Variants in LAMA2 observed in about 807,000 individuals in gnomAD.
LAMA2 encodes laminin subunit alpha 2, also known as laminin subunit alpha-2.
In LAMA2, 269 loss-of-function variants were observed where a neutral mutation model predicts 364.8. That is an observed-to-expected ratio of 0.74 (90% CI 0.67 to 0.82). The LOEUF (loss-of-function observed/expected upper bound fraction) is 0.82, where lower values mean the gene tolerates loss of function less well. Ranked by LOEUF, LAMA2 falls within the 40% of genes least tolerant of loss-of-function variation. LAMA2 has a pLI of 0.00. For synonymous variants in LAMA2, 1,379 were observed against 1,370.6 expected (o/e 1.01, Z -0.14); for missense variants, 3,807 against 3,873.2 (o/e 0.98, Z 0.45).
chr6:129,388,359 T>G (rs934613482), intron 35 of LAMA2, among the ~76,000 whole-genome samples: 2 of 152,218 alleles, frequency 1.3e-5, no homozygotes, highest in Non-Finnish European at 1.5e-5. Context: ...AAGCTTGCTT[T>G]CTTAATACAT....
At chr6:129,094,532 G>T (rs1412224980) in intron 3 of LAMA2, among the ~76,000 whole-genome samples, 1 of 152,170 alleles carries the variant, frequency 6.6e-6, no homozygotes, top group Non-Finnish European at 1.5e-5. Context: ...AATCCACATT[G>T]TAGCTGCATG....
intron 1 of LAMA2, among the ~76,000 whole-genome samples, chr6:128,996,825 A>G (rs1783973033): frequency 6.6e-6 from 1 of 152,224 alleles, no homozygotes; most frequent in African/African-American, 2.4e-5. Flanking sequence ...ACACATGCAC[A>G]CGTATGTTTA....
intron 41 of LAMA2, among the ~76,000 whole-genome samples, chr6:129,431,165 G>A (rs769372353): frequency 1.1e-4 from 16 of 152,158 alleles, no homozygotes; most frequent in African/African-American, 3.4e-4. Context: ...TCGGGAGACC[G>A]AGGTGGGCAG....
intron 29 of LAMA2, among the ~76,000 whole-genome samples, chr6:129,335,744 A>T (rs1402018245): frequency 3.3e-5 from 5 of 152,176 alleles, no homozygotes; most frequent in Non-Finnish European, 7.3e-5. Flanking sequence ...GATTGTTAGC[A>T]TTATACTAAG....
At chr6:129,199,308 T>C (rs1782036324) in intron 12 of LAMA2, among the ~76,000 whole-genome samples, 1 of 152,198 alleles carries the variant, frequency 6.6e-6, no homozygotes, top group South Asian at 2.1e-4. Flanking sequence ...ACATTCTTCA[T>C]GTCTGAAAAA....
chr6:129,041,928 G>T (rs529421231), intron 1 of LAMA2, among the ~76,000 whole-genome samples: 3 of 151,150 alleles, frequency 2.0e-5, no homozygotes, highest in East Asian at 1.9e-4. Flanking sequence ...GAGCCCAGGA[G>T]TTCAAGGTTA....
intron 9 of LAMA2, among the ~76,000 whole-genome samples, chr6:129,172,748 A>G (rs1015069894): frequency 6.6e-6 from 1 of 151,992 alleles, no homozygotes; most frequent in Non-Finnish European, 1.5e-5. Context: ...AAGCCTGGGC[A>G]ATGGCGGCGC....
At chr6:129,383,667 G>A (rs1778822262) in intron 35 of LAMA2, among the ~76,000 whole-genome samples, 1 of 152,150 alleles carries the variant, frequency 6.6e-6, no homozygotes, top group Non-Finnish European at 1.5e-5. Context: ...ATGAACATCT[G>A]TTGCTTGGGA....
intron 40 of LAMA2, among the ~76,000 whole-genome samples, chr6:129,404,323 A>G (rs1360249338): frequency 6.6e-6 from 1 of 152,160 alleles, no homozygotes; most frequent in Non-Finnish European, 1.5e-5. Flanking sequence ...ATAATCACAC[A>G]CAAATTGGTT....
intron 49 of LAMA2, among the ~76,000 whole-genome samples, chr6:129,460,907 G>C (rs1280122870): frequency 1.3e-5 from 2 of 151,874 alleles, no homozygotes; most frequent in Non-Finnish European, 1.5e-5. Flanking sequence ...GATAGTCCAG[G>C]AGGAAAGTTC....
At position 129,190,162 on chromosome 6, in the gene LAMA2, G is replaced by A. The variant is rs367886953; in HGVS notation, c.1468-43G>A. The A allele has an allele frequency of 3.1e-6, 5 of 1,605,426 alleles. No individual in the cohort carries two copies. The South Asian group carries it at 4.4e-5, about 14-fold the overall frequency. On this transcript the variant is annotated intron_variant, in intron 10 of 64. Transcript: ENST00000421865. ...TACAGACATGGACGCAGCTCATAAT[G>A]TTGAAGGATACCTCTGTTGCTGATA... is the stretch of plus-strand genomic sequence containing the variant.
intron 12 of LAMA2, among the ~76,000 whole-genome samples, chr6:129,196,622 A>G (rs1033639542): frequency 3.9e-5 from 6 of 152,190 alleles, no homozygotes; most frequent in African/African-American, 1.4e-4. Context: ...AAAATTATTC[A>G]GAAGTGGAGT....
intron 1 of LAMA2, among the ~76,000 whole-genome samples, chr6:129,017,894 A>C (rs1322293374): frequency 6.6e-6 from 1 of 152,104 alleles, no homozygotes; most frequent in Non-Finnish European, 1.5e-5. Flanking sequence ...AGGGTAAATA[A>C]TAACAAATGA....
intron 1 of LAMA2, among the ~76,000 whole-genome samples, chr6:128,945,354 G>T (rs1780426988): frequency 6.6e-6 from 1 of 152,174 alleles, no homozygotes; most frequent in African/African-American, 2.4e-5. Context: ...AATCAGTGTA[G>T]TTGCCATCGG....
intron 1 of LAMA2, among the ~76,000 whole-genome samples, chr6:128,938,765 C>T (rs1779986932): frequency 6.6e-6 from 1 of 152,104 alleles, no homozygotes; most frequent in Non-Finnish European, 1.5e-5. Context: ...GGAGTACCAA[C>T]ATTTAAGAGT....
At chr6:128,898,610 C>T (rs1184934705) in intron 1 of LAMA2, among the ~76,000 whole-genome samples, 1 of 152,244 alleles carries the variant, frequency 6.6e-6, no homozygotes, top group Admixed American at 6.5e-5. Context: ...CTTCAGCAGC[C>T]TCCCAGCTGC....
chr6:129,075,126 A>G (rs1019445338), intron 3 of LAMA2, among the ~76,000 whole-genome samples: 1 of 152,210 alleles, frequency 6.6e-6, no homozygotes, highest in Non-Finnish European at 1.5e-5. Context: ...TGAAAGAGCT[A>G]ATTTACATGT....
chr6:129,105,482 A>G (rs1395591272), intron 4 of LAMA2, among the ~76,000 whole-genome samples: 1 of 152,230 alleles, frequency 6.6e-6, no homozygotes, highest in Non-Finnish European at 1.5e-5. Context: ...TCAGAGGCTC[A>G]TTAAGCCCTA....
chr6:129,019,637 C>T (rs1785288080), intron 1 of LAMA2, among the ~76,000 whole-genome samples: 2 of 152,026 alleles, frequency 1.3e-5, no homozygotes, highest in South Asian at 2.1e-4. Context: ...TTTAAATAAG[C>T]ATTTGTCCTC....
Sources: allele counts gnomAD v4.1 joint callset (sites outside exome capture counted in the v4.1 genomes callset), GRCh38; gene constraint gnomAD v4.1.1; transcripts MANE v1.5; gene names NCBI Gene and HGNC (gene_info 2026-07-23, HGNC 2026-07-21).